GNRHR: variants seen among roughly 807,000 people sequenced by gnomAD.
GNRHR encodes the protein gonadotropin-releasing hormone receptor.
A neutral mutation model predicts 28.1 loss-of-function variants in GNRHR; 14 were observed. That is an observed-to-expected ratio of 0.50 (90% CI 0.33 to 0.78). GNRHR has a LOEUF of 0.78. Ranked by LOEUF, GNRHR falls within the 30% of genes least tolerant of loss-of-function variation. The probability of loss-of-function intolerance (pLI) is 0.02; values close to 1 mark genes in which losing one functional copy is unlikely to be tolerated. For synonymous variants in GNRHR, 141 were observed against 140.5 expected, an observed-to-expected ratio of 1.00 and a Z score of -0.02; for missense variants, 366 against 382.1, an observed-to-expected ratio of 0.96 and a Z score of 0.35.
chr4:67,753,095 T>C (rs1004679060), intron 1 of GNRHR, among the ~76,000 whole-genome samples: 3 of 152,210 alleles, frequency 2.0e-5, no homozygotes, highest in African/African-American at 7.2e-5. Context: ...GAAGGCAACC[T>C]GGAAAGATAA....
Position 67,740,567 on chromosome 4 carries a change from C to T in GNRHR, c.900G>A (p.Leu300=). ...AGAAGAAGTGATTTACTGGGTCTGA[C>T]AACCTGTTTAACATTTCAGGATCAA... The part of the protein sequence containing the change: ...YWFDPEMLNR[L]SDPVNHFFFL... Residue 300 remains leucine (L), a synonymous_variant, in exon 3 of 3, where the codon TTG becomes TTA. Transcript: ENST00000226413. 2 of 1,609,234 alleles carry T rather than the reference C, an allele frequency of 1.2e-6. No homozygotes were observed. The highest frequency in any genetic ancestry group is 1.7e-6 in the Non-Finnish European group (2 of 1,175,574).
intron 2 of GNRHR, among the ~76,000 whole-genome samples, chr4:67,744,152 G>A (rs1396452557): frequency 1.3e-5 from 2 of 152,094 alleles, no homozygotes; most frequent in Admixed American, 6.6e-5. Flanking sequence ...AGTTTATGTC[G>A]TGTAAATATA....
At chr4:67,744,343 G>C (rs1731715985) in intron 2 of GNRHR, among the ~76,000 whole-genome samples, 1 of 152,108 alleles carries the variant, frequency 6.6e-6, no homozygotes, top group Non-Finnish European at 1.5e-5. Context: ...TAATTTCATG[G>C]TGCAAATGTA....
intron 1 of GNRHR, among the ~76,000 whole-genome samples, chr4:67,749,386 T>C (rs1731825838): frequency 6.6e-6 from 1 of 152,180 alleles, no homozygotes; most frequent in Non-Finnish European, 1.5e-5. Flanking sequence ...AAACTAGTGA[T>C]AAGCTTAACA....
In GNRHR at chr4:67,737,605, T is replaced by C. The variant is rs536970451; in HGVS notation, c.*2875A>G. On this transcript the variant is annotated 3_prime_UTR_variant, in exon 3 of 3. Coordinates refer to ENST00000226413, the MANE Select transcript of GNRHR (RefSeq NM_000406.3). The stretch of plus-strand genomic sequence containing the variant: ...AATTTATGCTATGTTCCCTGGTAGA[T>C]AATGTTTGTGGTACCTTCCCCAGAG... Among the ~76,000 whole-genome samples the C allele has an allele frequency of 2.0e-5, 3 of 152,158 alleles. No homozygotes were observed. The highest frequency in any genetic ancestry group is 7.2e-5 in the African/African-American group (3 of 41,580).
rs1337459509 is a variant in GNRHR at position 67,739,602 on chromosome 4, A to G, written c.*878T>C. On this transcript the variant is annotated 3_prime_UTR_variant, in exon 3 of 3. Transcript: ENST00000226413. ...ATTCTCAGTTATTTATGAAATATGG[A>G]TTTAGTAAGATCAGGAGAGAGACAA... 2.6e-5 allele frequency: 4 copies of G among 152,006 alleles called. No individual in the cohort carries two copies. The highest frequency in any genetic ancestry group is 9.7e-5 in the African/African-American group (4 of 41,414). The allele number at this position is 152,006 out of a possible 1,614,324, so 9.4% of individuals were successfully genotyped here. A position where few individuals can be genotyped will look rare whatever the true frequency, so the allele number is the denominator to read the frequency against.
In GNRHR at chr4:67,737,466, A is replaced by T. The variant is rs1173997697; in HGVS notation, c.*3014T>A. On this transcript the variant is annotated 3_prime_UTR_variant, in exon 3 of 3. Coordinates refer to ENST00000226413, the MANE Select transcript of GNRHR (RefSeq NM_000406.3). ...GCATTGGTTCAATGTAGGAAAGTGGACCACAGGTAAAATAGATGGAGTTCT... is the reference window on the plus strand; with the variant it reads ...GCATTGGTTCAATGTAGGAAAGTGGTCCACAGGTAAAATAGATGGAGTTCT... Among the ~76,000 whole-genome samples the T allele has an allele frequency of 6.6e-6, 1 of 151,998 alleles. No individual in the cohort carries two copies. Among genetic ancestry groups the T allele is most frequent in the Non-Finnish European group, 1.5e-5 (1 of 67,902 alleles).
chr4:67,749,707 TTTCC>T (rs946894984), intron 1 of GNRHR, among the ~76,000 whole-genome samples: 13 of 145,022 alleles, frequency 9.0e-5, no homozygotes, highest in East Asian at 2.5e-4. Context: ...TCCTTCCTTC[TTTCC>T]TTCCTTCCTT....
chr4:67,748,456 T>A (rs546808354), intron 1 of GNRHR, among the ~76,000 whole-genome samples: 1 of 152,126 alleles, frequency 6.6e-6, no homozygotes, highest in Non-Finnish European at 1.5e-5. Flanking sequence ...CGTTTATATG[T>A]TTATAAATGT....
At position 67,739,871 on chromosome 4, in the gene GNRHR, A is replaced by G. The variant is rs555675298; in HGVS notation, c.*609T>C. The G allele has an allele frequency of 1.3e-5, 2 of 153,032 alleles. No individual in the cohort carries two copies. The highest frequency in any genetic ancestry group is 4.8e-5 in the African/African-American group (2 of 41,584). The allele number at this position is 153,032 out of a possible 1,614,324, so 9.5% of individuals were successfully genotyped here. ...TAAATAGGATGAAGGAGAACTACTC[A>G]TAGTCTTGTCAGGTTGCTGGAGTGG... On this transcript the variant is annotated 3_prime_UTR_variant, in exon 3 of 3. Coordinates refer to ENST00000226413, the MANE Select transcript of GNRHR (RefSeq NM_000406.3).
At chr4:67,751,856 C>T (rs1476742425) in intron 1 of GNRHR, 1 of 152,128 alleles carries the variant, frequency 6.6e-6, no homozygotes, top group Non-Finnish European at 1.5e-5. Flanking sequence ...ACAGTCATGT[C>T]CTAAAGCAAA....
At position 67,744,592 on chromosome 4, in the gene GNRHR, G is replaced by T; in HGVS notation, c.718C>A (p.Arg240=). 1 of 1,606,144 alleles carries T rather than the reference G, an allele frequency of 6.2e-7. No homozygotes were observed. The highest frequency in any genetic ancestry group is 8.5e-7 in the Non-Finnish European group (1 of 1,172,668). ...CCGTGGGGGTCCTGATGAAGGACCC[G>T]TGTCAGGGTGAAGATGATTTTTGCA... ...CNAKIIFTLT[R]VLHQDPHELQ... The change falls in exon 2 of 3, where the codon CGG becomes AGG. Residue 240 remains arginine (R), a synonymous_variant. Transcript: ENST00000226413.
Position 67,739,409 on chromosome 4 carries a change from G to T in GNRHR, c.*1071C>A, listed in dbSNP as rs1019535474. 6.6e-6 allele frequency: 1 copy of T among 152,024 alleles called. No individual in the cohort carries two copies. Among genetic ancestry groups the T allele is most frequent in the Non-Finnish European group, 1.5e-5 (1 of 67,930 alleles). The allele number at this position is 152,024 out of a possible 1,614,324, so 9.4% of individuals were successfully genotyped here. On this transcript the variant is annotated 3_prime_UTR_variant, in exon 3 of 3. Transcript: ENST00000226413. ...ACATTACATGGAAATATAGTGTTGT[G>T]CATAGACTGCAGGTTAAGAAACCCT... is the stretch of plus-strand genomic sequence containing the variant.
At chr4:67,743,314 C>A (rs1265772937) in intron 2 of GNRHR, among the ~76,000 whole-genome samples, 1 of 151,984 alleles carries the variant, frequency 6.6e-6, no homozygotes, top group Non-Finnish European at 1.5e-5. Flanking sequence ...ATTTAAAATT[C>A]AAAAAACCAT....
chr4:67,737,552 C>G lies in GNRHR; in HGVS notation c.*2928G>C, dbSNP rs1487332923. Among the ~76,000 whole-genome samples the G allele has an allele frequency of 6.6e-6, 1 of 151,922 alleles. No homozygotes were observed. The highest frequency in any genetic ancestry group is 1.5e-5 in the Non-Finnish European group (1 of 67,874). Reference sequence around the variant, plus strand: ...CATGACTACCACCTAAGTTCTAAGACAAAGTCACTCTCAGGAAATTTCAGA... The same window carrying G: ...CATGACTACCACCTAAGTTCTAAGAGAAAGTCACTCTCAGGAAATTTCAGA... On this transcript the variant is annotated 3_prime_UTR_variant, in exon 3 of 3. Transcript: ENST00000226413.
At chr4:67,743,015 C>A (rs1182082300) in intron 2 of GNRHR, among the ~76,000 whole-genome samples, 1 of 151,760 alleles carries the variant, frequency 6.6e-6, no homozygotes, top group Non-Finnish European at 1.5e-5. Flanking sequence ...TGCAATGGTA[C>A]AATCTTGGCT....
intron 2 of GNRHR, among the ~76,000 whole-genome samples, 176 bp from the exon 3 acceptor site, chr4:67,740,900 T>G (rs983857880): frequency 6.6e-6 from 1 of 152,170 alleles, no homozygotes; most frequent in African/African-American, 2.4e-5. Context: ...TTCCACTATG[T>G]CACATAATGA....
In GNRHR at chr4:67,737,656, T is replaced by A. The variant is rs754424769; in HGVS notation, c.*2824A>T. 6.6e-6 allele frequency among the ~76,000 whole-genome samples: 1 copy of A among 152,032 alleles called. No homozygotes were observed. Among genetic ancestry groups the A allele is most frequent in the Non-Finnish European group, 1.5e-5 (1 of 67,900 alleles). ...TATTTTTTTAGCTACTATATTTCTA[T>A]ATTTCTGTTGAATAGGCTTAAATTG... On this transcript the variant is annotated 3_prime_UTR_variant, in exon 3 of 3. Coordinates refer to ENST00000226413, the MANE Select transcript of GNRHR (RefSeq NM_000406.3).
chr4:67,753,854 C>T lies in GNRHR; in HGVS notation c.482G>A (p.Gly161Asp). Reference sequence around the variant, plus strand: ...GACACTACTGAGGATCCAGGCCAGGCCAACCATGGACTGTCCGACTTTGCT... The same window carrying T: ...GACACTACTGAGGATCCAGGCCAGGTCAACCATGGACTGTCCGACTTTGCT... ...SNSKVGQSMVGLAWILSSVFA... is the reference protein window; with the variant it reads ...SNSKVGQSMVDLAWILSSVFA... The change falls in exon 1 of 3, where the codon GGC (glycine) becomes GAC (aspartate). Residue 161 changes from glycine (G) to aspartate (D), a missense_variant. By Grantham distance (94) the Gly-to-Asp change is moderately conservative. Transcript: ENST00000226413. The T allele has an allele frequency of 6.2e-7, 1 of 1,613,768 alleles. No individual in the cohort carries two copies. The highest frequency in any genetic ancestry group is 2.2e-5 in the East Asian group (1 of 44,856).
Sources: allele counts gnomAD v4.1 joint callset (sites outside exome capture counted in the v4.1 genomes callset), GRCh38; gene constraint gnomAD v4.1.1; transcripts MANE v1.5; gene names NCBI Gene and HGNC (gene_info 2026-07-23, HGNC 2026-07-21).